Variants in KAZN observed in about 807,000 individuals in gnomAD.
KAZN encodes the protein kazrin.
A neutral mutation model predicts 87.4 loss-of-function variants in KAZN; 40 were observed. The observed-to-expected ratio is 0.46, with a 90% confidence interval of 0.36 to 0.60. KAZN has a LOEUF of 0.60. Among genes scored for constraint, KAZN ranks in the 20% least tolerant of loss-of-function variants. The probability of loss-of-function intolerance (pLI) is 0.00; values close to 1 mark genes in which losing one functional copy is unlikely to be tolerated. For synonymous variants in KAZN, 466 were observed against 458.3 expected, an observed-to-expected ratio of 1.02 and a Z score of -0.22; for missense variants, 898 against 1,073.9, an observed-to-expected ratio of 0.84 and a Z score of 2.29.
chr1:15,061,993 T>C (rs1036550647), intron 6 of KAZN: 1 of 152,200 alleles, frequency 6.6e-6, no homozygotes, highest in Non-Finnish European at 1.5e-5. Context: ...ACTGTGGAGT[T>C]ATACCTACAG....
chr1:14,356,694 A>T (rs1224265778), intron 2 of KAZN, among the ~76,000 whole-genome samples: 2 of 152,278 alleles, frequency 1.3e-5, no homozygotes, highest in South Asian at 4.1e-4. Flanking sequence ...TCCTTTCCCC[A>T]TTGCTTGTTT....
At chr1:14,337,906 A>C (rs1245837753) in intron 2 of KAZN, among the ~76,000 whole-genome samples, 3 of 151,796 alleles carry the variant, frequency 2.0e-5, no homozygotes, top group Non-Finnish European at 4.4e-5. Context: ...AAAAAAAAAA[A>C]AAAAAAGAGC....
intron 1 of KAZN, among the ~76,000 whole-genome samples, chr1:13,924,840 C>T (rs1487475436): frequency 6.6e-6 from 1 of 152,160 alleles, no homozygotes; most frequent in Non-Finnish European, 1.5e-5. Context: ...GTCAGGATCC[C>T]CTGAGGCTGT....
intron 2 of KAZN, among the ~76,000 whole-genome samples, chr1:14,504,118 A>G (rs551397705): frequency 9.2e-4 from 140 of 152,340 alleles, no homozygotes; most frequent in African/African-American, 3.3e-3. Flanking sequence ...TCTCCAATCA[A>G]GAAGTCCCCA....
At chr1:14,509,064 C>T (rs887548885) in intron 2 of KAZN, among the ~76,000 whole-genome samples, 1 of 152,192 alleles carries the variant, frequency 6.6e-6, no homozygotes, top group Non-Finnish European at 1.5e-5. Context: ...AAAGGAAAAG[C>T]GTATAGTGTT....
At chr1:14,328,261 G>A (rs1182258124) in intron 2 of KAZN, among the ~76,000 whole-genome samples, 2 of 152,142 alleles carry the variant, frequency 1.3e-5, no homozygotes, top group African/African-American at 4.8e-5. Context: ...ATGTATGTGT[G>A]AATTTAAGAA....
In KAZN at chr1:14,769,460, T is replaced by C. The variant is rs1644967008; in HGVS notation, c.226+170237T>C. On this transcript the variant is annotated intron_variant, in intron 1 of 14. Coordinates refer to ENST00000376030, the MANE Select transcript of KAZN (RefSeq NM_201628.3). The surrounding 1 kb of genome is among the most constrained non-coding windows in gnomAD (Gnocchi z 4.1). Reference sequence around the variant, plus strand: ...ACCTCTGCCTCCCGGGTTCAAGCGATTCTCGTGCCTCATTCTCCTGAGTAT... The same window carrying C: ...ACCTCTGCCTCCCGGGTTCAAGCGACTCTCGTGCCTCATTCTCCTGAGTAT... Among the ~76,000 whole-genome samples, 1 of 152,166 alleles carries C rather than the reference T, an allele frequency of 6.6e-6. No homozygotes were observed. Among genetic ancestry groups the C allele is most frequent in the African/African-American group, 2.4e-5 (1 of 41,434 alleles).
Position 14,111,535 on chromosome 1 carries a change from G to A in KAZN, c.92-68900G>A, listed in dbSNP as rs1400040467. On this transcript the variant is annotated intron_variant, in intron 1 of 16. Coordinates refer to the KAZN transcript ENST00000636203. ...CAGCATTGCTGCACTTGAAGGAAATGGTTCGTTTTTCTCATTCATACGAAA... is the reference window on the plus strand; with the variant it reads ...CAGCATTGCTGCACTTGAAGGAAATAGTTCGTTTTTCTCATTCATACGAAA... Among the ~76,000 whole-genome samples, 5 of 133,914 alleles carry A rather than the reference G, an allele frequency of 3.7e-5. 2 individuals carry two copies. Among genetic ancestry groups the A allele is most frequent in the Non-Finnish European group, 8.0e-5 (5 of 62,768 alleles). The allele number at this position is 133,914 out of a possible 152,430, so 87.9% of individuals were successfully genotyped here.
chr1:14,740,544 G>A (rs10927526), intron 1 of KAZN, among the ~76,000 whole-genome samples: 44,239 of 151,068 alleles, frequency 0.29, 7,143 homozygotes, highest in Middle Eastern at 0.41. Context: ...CTCTGCCTCC[G>A]CCCCCCCAAA....
intron 1 of KAZN, among the ~76,000 whole-genome samples, chr1:14,662,004 CTT>C (rs954080965): frequency 5.3e-5 from 8 of 152,172 alleles, no homozygotes; most frequent in African/African-American, 1.9e-4. Context: ...TTGAGAAACA[CTT>C]TTTAGATTCT....
intron 1 of KAZN, among the ~76,000 whole-genome samples, chr1:14,645,128 TC>T (rs1328070371): frequency 6.6e-5 from 10 of 152,202 alleles, no homozygotes; most frequent in South Asian, 2.1e-4. Context: ...CAGCCTTATT[TC>T]TGGGCTCTCT....
chr1:14,697,767 A>G (rs764085782), intron 1 of KAZN, among the ~76,000 whole-genome samples: 27 of 152,254 alleles, frequency 1.8e-4, no homozygotes, highest in Non-Finnish European at 2.8e-4. Flanking sequence ...ACGTTTTCCT[A>G]TGTTAAAACT....
chr1:14,831,864 G>A (rs757831817), intron 1 of KAZN, among the ~76,000 whole-genome samples: 2 of 152,018 alleles, frequency 1.3e-5, no homozygotes, highest in East Asian at 1.9e-4. Context: ...TCTGGGTTGC[G>A]AGTGACAGAA....
chr1:14,767,125 C>A (rs1027346839), intron 1 of KAZN, among the ~76,000 whole-genome samples: 19 of 152,078 alleles, frequency 1.2e-4, no homozygotes, highest in African/African-American at 4.6e-4. Flanking sequence ...TTTTACAGAC[C>A]GTGATGATTG....
intron 2 of KAZN, among the ~76,000 whole-genome samples, chr1:14,557,461 G>A (rs1673954104): frequency 6.6e-6 from 1 of 151,986 alleles, no homozygotes; most frequent in Admixed American, 6.5e-5. Context: ...AGAGAAGTTG[G>A]CATAGGTACA....
intron 1 of KAZN, among the ~76,000 whole-genome samples, chr1:14,652,452 C>CACCCGCCCATCCACCTATCCACCT (rs1281379338): frequency 6.7e-6 from 1 of 149,318 alleles, no homozygotes; most frequent in Non-Finnish European, 1.5e-5. Context: ...CCCACCCACC[C>CACCCGCCCATCCACCTATCCACCT]ATCTGCCTAT....
intron 2 of KAZN, among the ~76,000 whole-genome samples, chr1:14,460,424 C>T (rs1667797832): frequency 6.6e-6 from 1 of 152,208 alleles, no homozygotes; most frequent in African/African-American, 2.4e-5. Flanking sequence ...AGGATCCAGG[C>T]TTGGGGCTGT....
chr1:13,981,221 G>T (rs1359623260), intron 1 of KAZN, among the ~76,000 whole-genome samples: 1 of 144,168 alleles, frequency 6.9e-6, no homozygotes, highest in Non-Finnish European at 1.5e-5. Flanking sequence ...GTATGGAGGT[G>T]ATCACAATTT....
At chr1:14,118,836 T>C (rs1010065158) in intron 1 of KAZN, among the ~76,000 whole-genome samples, 2 of 152,154 alleles carry the variant, frequency 1.3e-5, no homozygotes, top group Non-Finnish European at 2.9e-5. Context: ...CTTACTGGAA[T>C]TGGGTTGTCT....
Sources: allele counts gnomAD v4.1 joint callset (sites outside exome capture counted in the v4.1 genomes callset), GRCh38; gene constraint gnomAD v4.1.1; non-coding constraint Gnocchi (gnomAD v3.1); transcripts MANE v1.5; gene names NCBI Gene and HGNC (gene_info 2026-07-23, HGNC 2026-07-21).